Variants in SORCS3 observed in about 807,000 individuals in gnomAD.
SORCS3 encodes the protein VPS10 domain-containing receptor SorCS3.
Under a neutral mutation model 146.3 loss-of-function variants are expected in SORCS3, and 57 were observed. The ratio of observed to expected loss-of-function variants is 0.39; its 90% CI spans 0.31 to 0.49. SORCS3 has a LOEUF of 0.49. SORCS3 is among the 20% of genes least tolerant of loss of function. The pLI, the probability that SORCS3 is intolerant of heterozygous loss-of-function variation, is 0.92. For missense variants in SORCS3, 1,341 were observed against 1,575.5 expected, an observed-to-expected ratio of 0.85 and a Z score of 2.52; for synonymous variants, 653 against 618.5, an observed-to-expected ratio of 1.06 and a Z score of -0.83.
chr10:105,093,921 A>G (rs1218761522), intron 6 of SORCS3, among the ~76,000 whole-genome samples: 1 of 152,188 alleles, frequency 6.6e-6, no homozygotes, highest in Non-Finnish European at 1.5e-5. Flanking sequence ...TATTCACATT[A>G]AAACCTGTAC....
intron 7 of SORCS3, among the ~76,000 whole-genome samples, chr10:105,135,044 T>C (rs563121498): frequency 6.6e-6 from 1 of 152,086 alleles, no homozygotes; most frequent in South Asian, 2.1e-4. Flanking sequence ...AAGGAAGGAA[T>C]GAGTAACAAG....
intron 20 of SORCS3, among the ~76,000 whole-genome samples, chr10:105,225,154 C>T (rs1589696872): frequency 6.6e-6 from 1 of 152,062 alleles, no homozygotes; most frequent in East Asian, 1.9e-4. Context: ...AATGACTTCT[C>T]CATACCCAAC....
At chr10:105,004,000 C>CTTTTTTTTTTTTTTTTTTTTTTT (rs1226455197) in intron 4 of SORCS3, among the ~76,000 whole-genome samples, 1 of 140,228 alleles carries the variant, frequency 7.1e-6, no homozygotes, top group African/African-American at 2.7e-5. Flanking sequence ...TCTTCTCTCT[C>CTTTTTTTTTTTTTTTTTTTTTTT]TTTTTTTTTT....
chr10:104,721,416 G>A (rs34578708), intron 1 of SORCS3, among the ~76,000 whole-genome samples: 2 of 151,994 alleles, frequency 1.3e-5, no homozygotes, highest in South Asian at 2.1e-4. Context: ...AGCCTGATGC[G>A]ACCGGCTTTG....
At chr10:104,848,710 G>A (rs1248235096) in intron 2 of SORCS3, among the ~76,000 whole-genome samples, 1 of 152,146 alleles carries the variant, frequency 6.6e-6, no homozygotes, top group Non-Finnish European at 1.5e-5. Flanking sequence ...TAATCAATCT[G>A]GTGGAAACTC....
At chr10:105,105,328 T>G in intron 6 of SORCS3, 69 bp from the exon 7 acceptor site, 2 of 944,578 alleles carry the variant, frequency 2.1e-6, no homozygotes, top group East Asian at 4.9e-5. Context: ...AGTAGAGTTT[T>G]GTATGCTACC....
intron 25 of SORCS3, among the ~76,000 whole-genome samples, chr10:105,260,961 ATATAG>A (rs1239173292): frequency 5.9e-5 from 9 of 152,198 alleles, no homozygotes; most frequent in South Asian, 2.1e-4. Context: ...TTATTGACAA[ATATAG>A]TATAGTAAAG....
intron 5 of SORCS3, among the ~76,000 whole-genome samples, chr10:105,073,414 A>G (rs2055569881): frequency 1.3e-5 from 2 of 152,182 alleles, no homozygotes; most frequent in African/African-American, 4.8e-5. Context: ...TCAGTCTGGT[A>G]CACACGTAGA....
chr10:105,125,240 G>A (rs2055965103), intron 7 of SORCS3, among the ~76,000 whole-genome samples: 1 of 152,034 alleles, frequency 6.6e-6, no homozygotes, highest in African/African-American at 2.4e-5. Context: ...TTTACCTCCT[G>A]GCTAATTTTC....
intron 2 of SORCS3, among the ~76,000 whole-genome samples, chr10:104,870,618 G>A (rs918888447): frequency 6.6e-6 from 1 of 152,128 alleles, no homozygotes; most frequent in African/African-American, 2.4e-5. Context: ...AAGAACAAAG[G>A]GCATGTATCT....
chr10:105,043,237 G>A, intron 5 of SORCS3, 109 bp downstream of exon 5: 3 of 940,962 alleles, frequency 3.2e-6, no homozygotes, highest in Non-Finnish European at 5.1e-6. Context: ...ATGTGTTCCA[G>A]TCCTTTGCTA....
intron 1 of SORCS3, among the ~76,000 whole-genome samples, chr10:104,671,449 C>T (rs570132281): frequency 7.0e-6 from 1 of 143,652 alleles, no homozygotes; most frequent in South Asian, 2.3e-4. Context: ...ATCCTATTAC[C>T]TCAGTCTCCC....
intron 16 of SORCS3, among the ~76,000 whole-genome samples, chr10:105,207,797 C>T (rs569565382): frequency 1.4e-4 from 21 of 152,336 alleles, no homozygotes; most frequent in African/African-American, 4.6e-4. Context: ...TTTAAAATTA[C>T]TGCATTGCTG....
intron 5 of SORCS3, among the ~76,000 whole-genome samples, chr10:105,058,754 T>C (rs111274017): frequency 0.029 from 4,479 of 152,134 alleles, 212 homozygotes; most frequent in African/African-American, 0.1. Context: ...AAAGGGGTGA[T>C]GACCAAGGGA....
chr10:104,840,828 T>C (rs554370977), intron 1 of SORCS3, among the ~76,000 whole-genome samples: 17 of 152,252 alleles, frequency 1.1e-4, no homozygotes, highest in Non-Finnish European at 2.5e-4. Context: ...GCATGTCCTC[T>C]GAAGGCTTGA....
chr10:105,018,854 T>C (rs990511329), intron 4 of SORCS3, among the ~76,000 whole-genome samples: 9 of 152,276 alleles, frequency 5.9e-5, no homozygotes, highest in African/African-American at 1.7e-4. Context: ...GTTACACTTA[T>C]GAAATATTTT....
At chr10:105,262,175 T>C (rs2056964597) in intron 25 of SORCS3, among the ~76,000 whole-genome samples, 156 bp from the exon 26 acceptor site, 1 of 152,202 alleles carries the variant, frequency 6.6e-6, no homozygotes, top group African/African-American at 2.4e-5. Flanking sequence ...TTCCTTGACC[T>C]TGTAGCCTCA....
At chr10:105,260,075 T>G (rs951375463) in intron 25 of SORCS3, among the ~76,000 whole-genome samples, 1 of 152,218 alleles carries the variant, frequency 6.6e-6, no homozygotes, top group African/African-American at 2.4e-5. Context: ...GATACAAAAT[T>G]TATTCTCTTC....
intron 2 of SORCS3, among the ~76,000 whole-genome samples, chr10:104,845,999 G>A (rs893290840): frequency 6.6e-6 from 1 of 152,126 alleles, no homozygotes; most frequent in Non-Finnish European, 1.5e-5. Flanking sequence ...TACTCAGAGC[G>A]AATTTACAGA....
Sources: allele counts gnomAD v4.1 joint callset (sites outside exome capture counted in the v4.1 genomes callset), GRCh38; gene constraint gnomAD v4.1.1; transcripts MANE v1.5; gene names NCBI Gene and HGNC (gene_info 2026-07-23, HGNC 2026-07-21).